The following CCDC14 variants were observed in gnomAD, a reference collection of about 807,000 sequenced individuals.
CCDC14 encodes the protein coiled-coil domain-containing protein 14.
CCDC14 carries 71 observed loss-of-function variants against 81.4 expected under a neutral mutation model. That is an observed-to-expected ratio of 0.87 (90% CI 0.72 to 1.06). The LOEUF (loss-of-function observed/expected upper bound fraction) is 1.06, where lower values mean the gene tolerates loss of function less well. Ranked by LOEUF, CCDC14 falls within the 50% of genes least tolerant of loss-of-function variation. The pLI, the probability that CCDC14 is intolerant of heterozygous loss-of-function variation, is 0.00. For missense variants in CCDC14, 1,046 were observed against 1,047.3 expected (o/e 1.00, Z 0.02); for synonymous variants, 332 against 364.8 (o/e 0.91, Z 1.03).
intron 5 of CCDC14, among the ~76,000 whole-genome samples, chr3:123,906,786 G>C (rs9852813): frequency 0.1 from 15,601 of 152,236 alleles, 878 homozygotes; most frequent in Middle Eastern, 0.21. Flanking sequence ...AGTAAGTAAA[G>C]TGCTGAAGGG....
chr3:123,945,907 A>G (rs2036599655), intron 8 of CCDC14, among the ~76,000 whole-genome samples: 1 of 152,166 alleles, frequency 6.6e-6, no homozygotes, highest in South Asian at 2.1e-4. Context: ...ACAGTACCAC[A>G]TAGGGCTGCT....
chr3:123,914,298 A>G lies in CCDC14; in HGVS notation c.*481T>C. On this transcript the variant is annotated 3_prime_UTR_variant, in exon 13 of 13. Coordinates refer to ENST00000409697, the MANE Select transcript of CCDC14 (RefSeq NM_001366335.1). ...TTTCTCTTTAAATAAATGTTTATAT[A>G]TTTCACCAACAACACTGGCCTGTGG... The G allele has an allele frequency of 1.0e-6, 1 of 984,428 alleles. No individual in the cohort carries two copies. The highest frequency in any genetic ancestry group is 1.2e-6 in the Non-Finnish European group (1 of 828,820). 61.0% of individuals were successfully genotyped at this position (984,428 alleles called of 1,614,324 possible). A position where few individuals can be genotyped will look rare whatever the true frequency, so the allele number is the denominator to read the frequency against.
At chr3:123,940,890 A>G (rs1306125397) in intron 9 of CCDC14, among the ~76,000 whole-genome samples, 2 of 152,058 alleles carry the variant, frequency 1.3e-5, no homozygotes, top group South Asian at 4.1e-4. Flanking sequence ...GCCTAACTCA[A>G]AAAACATTAA....
chr3:123,933,827 T>C (rs1421155921), intron 9 of CCDC14, 72 bp from the exon 10 acceptor site: 1 of 994,332 alleles, frequency 1.0e-6, no homozygotes, highest in East Asian at 2.6e-5. Flanking sequence ...TGATAGCCTA[T>C]CAAAAAAGAT....
intron 9 of CCDC14, among the ~76,000 whole-genome samples, chr3:123,939,120 T>C (rs997908221): frequency 1.3e-5 from 2 of 151,992 alleles, no homozygotes; most frequent in South Asian, 4.1e-4. Context: ...CCTAAGTTCT[T>C]GCACACTTGA....
chr3:123,933,634 CA>C (rs749562479), intron 10 of CCDC14, 38 bp downstream of exon 10: 4 of 1,378,288 alleles, frequency 2.9e-6, no homozygotes. Context: ...TTTCCGGAGC[CA>C]CAAATAATTT....
downstream of CCDC14, among the ~76,000 whole-genome samples, chr3:123,910,792 T>G (rs538086431): frequency 6.6e-6 from 1 of 152,266 alleles, no homozygotes; most frequent in Non-Finnish European, 1.5e-5. Context: ...GAAAATCAAG[T>G]TATGCCTAGG....
In CCDC14 at chr3:123,914,548, A is replaced by G. The variant is rs2034549904; in HGVS notation, c.*231T>C. ...GTACTGAAATAAAACATTACTTACA[A>G]TAATTTCCTAGTTATCCACAACTTT... On this transcript the variant is annotated 3_prime_UTR_variant, in exon 13 of 13. Coordinates refer to ENST00000409697, the MANE Select transcript of CCDC14 (RefSeq NM_001366335.1). 8.4e-7 allele frequency: 1 copy of G among 1,194,540 alleles called. No homozygotes were observed. The highest frequency in any genetic ancestry group is 1.6e-5 in the African/African-American group (1 of 63,080). 74.0% of individuals were successfully genotyped at this position (1,194,540 alleles called of 1,614,324 possible). A position where few individuals can be genotyped will look rare whatever the true frequency, so the allele number is the denominator to read the frequency against.
intron 9 of CCDC14, 47 bp downstream of exon 9, chr3:123,944,802 G>A (rs777995139): frequency 1.2e-4 from 180 of 1,537,936 alleles, no homozygotes; most frequent in Admixed American, 2.6e-4. Context: ...TTCTGGCCAG[G>A]AGACATCTTT....
intron 9 of CCDC14, among the ~76,000 whole-genome samples, chr3:123,939,427 T>C (rs963466237): frequency 6.7e-6 from 1 of 149,648 alleles, no homozygotes; most frequent in African/African-American, 2.4e-5. Context: ...TATGTCCTAT[T>C]CATCTGCTGA....
chr3:123,960,112 T>C (rs1023319843), intron 1 of CCDC14, among the ~76,000 whole-genome samples: 7 of 152,218 alleles, frequency 4.6e-5, no homozygotes, highest in African/African-American at 1.7e-4. Flanking sequence ...CTAATCACAA[T>C]ACAGGAGAAT....
chr3:123,946,804 T>C lies in CCDC14; in HGVS notation c.1200A>G (p.Gln400=), dbSNP rs899188491. The C allele has an allele frequency of 1.2e-6, 2 of 1,612,284 alleles. No individual in the cohort carries two copies. The highest frequency in any genetic ancestry group is 1.7e-5 in the Admixed American group (1 of 59,850). ...LGELKALVAE[Q]EDSEIQRLIT... is the part of the protein sequence containing the mutation. The stretch of plus-strand genomic sequence containing the variant: ...CAGAAAGTTATAAGTCCCATCTACC[T>C]TGTTCTGCTACCAGGGCCTTGAGCT... The change falls in exon 8 of 13, where the codon CAA becomes CAG. Residue 400 remains glutamine (Q), a splice_region_variant and synonymous_variant. Coordinates refer to ENST00000409697, the MANE Select transcript of CCDC14 (RefSeq NM_001366335.1).
chr3:123,955,490 A>G (rs13062100), intron 5 of CCDC14: 69,442 of 151,878 alleles, frequency 0.46, 18,653 homozygotes, highest in Non-Finnish European at 0.63. Flanking sequence ...ATAATTTTAA[A>G]GCAACTACTA....
intron 1 of CCDC14, chr3:123,958,725 A>G (rs2037488467): frequency 6.6e-6 from 1 of 152,250 alleles, no homozygotes; most frequent in South Asian, 2.1e-4. Flanking sequence ...CAGAATTACA[A>G]TCTAATATTC....
At position 123,948,910 on chromosome 3, in the gene CCDC14, G is replaced by C; in HGVS notation, c.575C>G (p.Ala192Gly). Reference sequence around the variant, plus strand: ...TTCGTACTCACCAGAATGAGAGGGAGCATGGCATGGTACAGCAGGAATTCC... The same window carrying C: ...TTCGTACTCACCAGAATGAGAGGGACCATGGCATGGTACAGCAGGAATTCC... Reference protein sequence around the residue: ...PNGIPAVPCHAPSHSESQATP... With the variant: ...PNGIPAVPCHGPSHSESQATP... Residue 192 changes from alanine to glycine, a missense_variant, in exon 6 of 13, where the codon GCT (alanine) becomes GGT (glycine). By Grantham distance (60) the Ala-to-Gly change is moderately conservative. Transcript: ENST00000409697. The C allele has an allele frequency of 1.2e-6, 2 of 1,613,124 alleles. No homozygotes were observed. Among genetic ancestry groups the C allele is most frequent in the East Asian group, 4.5e-5 (2 of 44,870 alleles).
chr3:123,953,960 A>T (rs1029634175), intron 5 of CCDC14: 1 of 152,134 alleles, frequency 6.6e-6, no homozygotes, highest in African/African-American at 2.4e-5. Flanking sequence ...TTTGTAAATA[A>T]ACCCTCCTAA....
chr3:123,933,070 G>T (rs2035835531), intron 10 of CCDC14, among the ~76,000 whole-genome samples: 1 of 151,868 alleles, frequency 6.6e-6, no homozygotes, highest in African/African-American at 2.4e-5. Flanking sequence ...CTGCACTCCA[G>T]CCTGGGCCAC....
chr3:123,944,867 T>G lies in CCDC14; in HGVS notation c.1325A>C (p.Glu442Ala). 6.2e-7 allele frequency: 1 copy of G among 1,610,654 alleles called. No individual in the cohort carries two copies. The highest frequency in any genetic ancestry group is 8.5e-7 in the Non-Finnish European group (1 of 1,177,820). The change falls in exon 9 of 13, where the codon GAG becomes GCG. Residue 442 changes from glutamate (E) to alanine (A), a missense_variant. Transcript: ENST00000409697. ...IALAMQPLRS[E>A]NAQLRRQLRI... is the part of the protein sequence containing the mutation. The stretch of plus-strand genomic sequence containing the variant: ...TTCTTACCTTCGTAACTGAGCATTC[T>G]CACTTCTTAATGGTTGCATGGCCAG...
chr3:123,938,773 T>C (rs1047785710), intron 9 of CCDC14, among the ~76,000 whole-genome samples: 2 of 151,954 alleles, frequency 1.3e-5, no homozygotes. Context: ...ATATTATGCA[T>C]TGAATTTAGG....
Sources: allele counts gnomAD v4.1 joint callset (sites outside exome capture counted in the v4.1 genomes callset), GRCh38; gene constraint gnomAD v4.1.1; transcripts MANE v1.5; gene names NCBI Gene and HGNC (gene_info 2026-07-23, HGNC 2026-07-21).